RHBDD1: variants seen among roughly 807,000 people sequenced by gnomAD.
RHBDD1 encodes the protein rhomboid-related protein 4.
A neutral mutation model predicts 36.3 loss-of-function variants in RHBDD1; 38 were observed. The ratio of observed to expected loss-of-function variants is 1.05; its 90% CI spans 0.81 to 1.37. The LOEUF (loss-of-function observed/expected upper bound fraction) is 1.37. Among genes scored for constraint, RHBDD1 ranks in the 40% most tolerant of loss-of-function variants. The pLI is 0.00. For missense variants in RHBDD1, 393 were observed against 377.6 expected (o/e 1.04, Z -0.34); for synonymous variants, 151 against 136.5 (o/e 1.11, Z -0.74).
chr2:226,993,985 C>T (rs892078684), intron 8 of RHBDD1, among the ~76,000 whole-genome samples: 2 of 152,138 alleles, frequency 1.3e-5, no homozygotes, highest in Non-Finnish European at 2.9e-5. Flanking sequence ...CTGTGCTTTG[C>T]CCACCCTCCC....
chr2:226,875,512 T>G (rs1574909843), intron 5 of RHBDD1, among the ~76,000 whole-genome samples: 1 of 152,170 alleles, frequency 6.6e-6, no homozygotes, highest in East Asian at 1.9e-4. Flanking sequence ...CTTCACAGTT[T>G]AGCAAAAGAA....
Position 226,987,925 on chromosome 2 carries a change from C to T in RHBDD1, c.857-7506C>T, listed in dbSNP as rs146112385. Among the ~76,000 whole-genome samples, 796 of 152,258 alleles carry T rather than the reference C, an allele frequency of 5.2e-3. 4 individuals carry two copies. Among genetic ancestry groups the T allele is most frequent in the Non-Finnish European group, 8.6e-3 (582 of 68,018 alleles). On this transcript the variant is annotated intron_variant, in intron 8 of 8. Coordinates refer to ENST00000392062, the MANE Select transcript of RHBDD1 (RefSeq NM_001167608.3). ...AGGTTCTTCATTTCTGTGCACACTT[C>T]AGATTAAGGACCACTGCAGCAAACT... is the stretch of plus-strand genomic sequence containing the variant.
chr2:226,824,697 C>A, the RHBDD1 span, among the ~76,000 whole-genome samples: 1 of 152,176 alleles, frequency 6.6e-6, no homozygotes, highest in Non-Finnish European at 1.5e-5. Flanking sequence ...TCTTTTGTCC[C>A]AGGCTCCCTT....
rs760934419 is a variant in RHBDD1 at position 226,914,238 on chromosome 2, A to C, written c.743A>C (p.His248Pro). The stretch of plus-strand genomic sequence containing the variant: ...TCTGGATATCAGGATTATTATCCGC[A>C]TGGCAGGCCAGATCACTATGAAGAA... ...GSSGYQDYYP[H>P]GRPDHYEEAP... The change falls in exon 8 of 9, where the codon CAT becomes CCT. Residue 248 changes from histidine to proline, a missense_variant. By Grantham distance (77) the His-to-Pro change is moderately conservative. Coordinates refer to ENST00000392062, the MANE Select transcript of RHBDD1 (RefSeq NM_001167608.3). 5 of 1,613,822 alleles carry C rather than the reference A, an allele frequency of 3.1e-6. No homozygotes were observed. Among genetic ancestry groups the C allele is most frequent in the Non-Finnish European group, 4.2e-6 (5 of 1,179,794 alleles).
intron 8 of RHBDD1, among the ~76,000 whole-genome samples, chr2:226,989,020 C>G (rs1575541255): frequency 6.6e-6 from 1 of 152,354 alleles, no homozygotes; most frequent in South Asian, 2.1e-4. Context: ...ATAATACATT[C>G]TGGAGGTTTA....
chr2:226,831,564 A>AC (rs1164059869), upstream of RHBDD1, among the ~76,000 whole-genome samples: 8 of 152,292 alleles, frequency 5.3e-5, no homozygotes, highest in African/African-American at 1.9e-4. Context: ...TGCTGAAAAC[A>AC]CCAGCAGTGG....
In RHBDD1 at chr2:226,995,523, G is replaced by A; in HGVS notation, c.*1G>A. ...GCTTCACAGATTCGATAGCCAGTGA[G>A]GTGGCATCTTGGGAAGACATGGCCT... On this transcript the variant is annotated 3_prime_UTR_variant, in exon 9 of 9. Transcript: ENST00000392062. 6.2e-7 allele frequency: 1 copy of A among 1,603,258 alleles called. No homozygotes were observed. The highest frequency in any genetic ancestry group is 8.5e-7 in the Non-Finnish European group (1 of 1,171,770).
At chr2:226,885,018 A>C (rs1946093377) in intron 5 of RHBDD1, among the ~76,000 whole-genome samples, 1 of 152,208 alleles carries the variant, frequency 6.6e-6, no homozygotes, top group South Asian at 2.1e-4. Flanking sequence ...AGATTGGCAA[A>C]GGCTATCAAT....
At chr2:226,965,003 A>G (rs571510554) in intron 8 of RHBDD1, among the ~76,000 whole-genome samples, 13 of 152,346 alleles carry the variant, frequency 8.5e-5, no homozygotes, top group African/African-American at 3.1e-4. Context: ...TAATTTGTAG[A>G]GCATCATAGT....
At chr2:226,847,076 T>C (rs1365805176) in intron 3 of RHBDD1, among the ~76,000 whole-genome samples, 1 of 152,260 alleles carries the variant, frequency 6.6e-6, no homozygotes, top group African/African-American at 2.4e-5. Context: ...GTTTGAAATG[T>C]ATAAAATTGT....
rs138482669 is a variant in RHBDD1, at chr2:226,914,317, C to T, written c.822C>T (p.Leu274=). 23 of 1,613,380 alleles carry T rather than the reference C, an allele frequency of 1.4e-5. No homozygotes were observed. The highest frequency in any genetic ancestry group is 1.3e-4 in the South Asian group (12 of 91,054). Residue 274 remains leucine, a synonymous_variant, in exon 8 of 9, where the codon CTC becomes CTT. Transcript: ENST00000392062. ...CAGGACTGAGTGAAGAAGAACAGCT[C>T]GAGAGAGCATTACAAGCCAGCCTCT... ...YTAGLSEEEQ[L]ERALQASLWD...
At position 226,889,293 on chromosome 2, in the gene RHBDD1, C is replaced by T. The variant is rs77119564; in HGVS notation, c.567-17500C>T. Among the ~76,000 whole-genome samples the T allele has an allele frequency of 2.6e-3, 402 of 152,282 alleles. 1 individual carries two copies. Among genetic ancestry groups the T allele is most frequent in the African/African-American group, 8.6e-3 (357 of 41,552 alleles). ...TAATGAGAGAGGTGTTCTTTATGTG[C>T]TCTGCATTATTTCAGGGTCCTCTTC... On this transcript the variant is annotated intron_variant, in intron 5 of 8. Transcript: ENST00000392062.
intron 7 of RHBDD1, 90 bp downstream of exon 7, chr2:226,908,968 T>C (rs1948296837): frequency 1.2e-6 from 1 of 830,254 alleles, no homozygotes; most frequent in Non-Finnish European, 2.0e-6. Flanking sequence ...ACTACTAGTT[T>C]CTGCTGTGGT....
intron 7 of RHBDD1, among the ~76,000 whole-genome samples, chr2:226,913,789 T>A (rs1385822001): frequency 6.6e-6 from 1 of 152,224 alleles, no homozygotes; most frequent in Non-Finnish European, 1.5e-5. Flanking sequence ...GGTCTGCCCC[T>A]TATTGTACAG....
At chr2:226,859,486 G>T (rs973503181) in intron 3 of RHBDD1, among the ~76,000 whole-genome samples, 48 of 152,214 alleles carry the variant, frequency 3.2e-4, no homozygotes, top group African/African-American at 1.1e-3. Context: ...TTTGGTATCT[G>T]TTGGAGGTCC....
At chr2:226,878,437 T>G (rs556005817) in intron 5 of RHBDD1, among the ~76,000 whole-genome samples, 63 of 152,308 alleles carry the variant, frequency 4.1e-4, no homozygotes, top group African/African-American at 1.4e-3. Flanking sequence ...CTGGGTGGAT[T>G]TGTGACTTGC....
the RHBDD1 span, among the ~76,000 whole-genome samples, chr2:226,802,320 T>C: frequency 1.3e-5 from 2 of 152,252 alleles, no homozygotes; most frequent in Admixed American, 6.5e-5. Context: ...ATGGGTTTCC[T>C]ATGGAAGATA....
At chr2:226,822,701 A>AT in the RHBDD1 span, among the ~76,000 whole-genome samples, 1 of 152,014 alleles carries the variant, frequency 6.6e-6, no homozygotes, top group African/African-American at 2.4e-5. Context: ...AAGAGTGACA[A>AT]TGTTTGTGTC....
intron 5 of RHBDD1, among the ~76,000 whole-genome samples, chr2:226,894,201 G>C (rs948126597): frequency 6.6e-6 from 1 of 152,176 alleles, no homozygotes; most frequent in African/African-American, 2.4e-5. Flanking sequence ...TCCACACAGA[G>C]GTGCAAGCTA....
Sources: allele counts gnomAD v4.1 joint callset (sites outside exome capture counted in the v4.1 genomes callset), GRCh38; gene constraint gnomAD v4.1.1; transcripts MANE v1.5; gene names NCBI Gene and HGNC (gene_info 2026-07-23, HGNC 2026-07-21).